Variants in RABGAP1L observed in about 807,000 individuals in gnomAD.
The protein encoded by RABGAP1L is RAB GTPase activating protein 1 like.
A neutral mutation model predicts 137.7 loss-of-function variants in RABGAP1L; 63 were observed. The ratio of observed to expected loss-of-function variants is 0.46; its 90% CI spans 0.37 to 0.56. The LOEUF is 0.56. Ranked by LOEUF, RABGAP1L falls within the 20% of genes least tolerant of loss-of-function variation. RABGAP1L has a pLI of 0.00. For missense variants in RABGAP1L, 1,095 were observed against 1,244.0 expected (o/e 0.88, Z 1.80); for synonymous variants, 431 against 433.7 (o/e 0.99, Z 0.08).
intron 14 of RABGAP1L, among the ~76,000 whole-genome samples, chr1:174,676,347 A>G (rs1004392116): frequency 6.6e-6 from 1 of 152,100 alleles, no homozygotes; most frequent in African/African-American, 2.4e-5. Context: ...ACAGATTTTG[A>G]GAGGCTTCTC....
At chr1:174,781,407 T>C (rs1686995093) in intron 18 of RABGAP1L, among the ~76,000 whole-genome samples, 3 of 152,230 alleles carry the variant, frequency 2.0e-5, no homozygotes, top group Non-Finnish European at 4.4e-5. Context: ...ACCCACTTTT[T>C]GATGGGGCTG....
At chr1:174,174,942 G>A (rs563843790) in intron 1 of RABGAP1L, among the ~76,000 whole-genome samples, 2 of 152,240 alleles carry the variant, frequency 1.3e-5, no homozygotes, top group African/African-American at 4.8e-5. Context: ...AGCTATCTGG[G>A]TATCCCCTAG....
intron 13 of RABGAP1L, among the ~76,000 whole-genome samples, chr1:174,423,681 A>G (rs961292395): frequency 6.6e-6 from 1 of 152,104 alleles, no homozygotes; most frequent in African/African-American, 2.4e-5. Context: ...GGTCTTTTGA[A>G]GATTTCTTTG....
At chr1:174,849,715 C>T (rs1647914465) in intron 19 of RABGAP1L, 1 of 447,940 alleles carries the variant, frequency 2.2e-6, no homozygotes. Context: ...ATTTCGACTT[C>T]TGAATTCGCA....
At chr1:174,430,838 T>C (rs1431216200) in intron 13 of RABGAP1L, among the ~76,000 whole-genome samples, 2 of 152,190 alleles carry the variant, frequency 1.3e-5, no homozygotes, top group African/African-American at 4.8e-5. Flanking sequence ...TAACTTGGAC[T>C]GCAGAGACAT....
chr1:174,184,044 T>TG (rs1666601481), intron 1 of RABGAP1L, among the ~76,000 whole-genome samples: 2 of 151,846 alleles, frequency 1.3e-5, no homozygotes, highest in Non-Finnish European at 2.9e-5. Flanking sequence ...TTTTTGTTTT[T>TG]TTTTAGTAGA....
chr1:174,261,891 A>G (rs1673608071), intron 7 of RABGAP1L, among the ~76,000 whole-genome samples: 1 of 152,226 alleles, frequency 6.6e-6, no homozygotes, highest in African/African-American at 2.4e-5. Flanking sequence ...TTTAGATGTT[A>G]TAATAATTTC....
chr1:174,721,171 A>G lies in RABGAP1L; in HGVS notation c.2169+18915A>G, dbSNP rs540445071. On this transcript the variant is annotated intron_variant, in intron 17 of 25. Transcript: ENST00000681986. ...TTTGATCATTTTAATCATCAGCAGC[A>G]AAGAGTTATGTGGTATTACTTTCTG... is the stretch of plus-strand genomic sequence containing the variant. Among the ~76,000 whole-genome samples the G allele has an allele frequency of 5.1e-4, 77 of 152,350 alleles. 1 individual carries two copies. The South Asian group carries it at 0.016, about 31-fold the overall frequency.
At chr1:174,683,250 C>T (rs934681537) in intron 14 of RABGAP1L, among the ~76,000 whole-genome samples, 7 of 151,942 alleles carry the variant, frequency 4.6e-5, no homozygotes, top group Non-Finnish European at 1.0e-4. Context: ...CATAATAGAT[C>T]TTTTAATATT....
intron 13 of RABGAP1L, among the ~76,000 whole-genome samples, chr1:174,467,624 TATATA>T (rs1160144455): frequency 6.6e-6 from 1 of 152,188 alleles, no homozygotes; most frequent in Non-Finnish European, 1.5e-5. Flanking sequence ...ATATTCATGT[TATATA>T]ATATGTTTAA....
chr1:174,419,483 A>T (rs1332478599), intron 13 of RABGAP1L, among the ~76,000 whole-genome samples: 1 of 152,240 alleles, frequency 6.6e-6, no homozygotes, highest in Admixed American at 6.5e-5. Flanking sequence ...GAAAATAAAT[A>T]TGCTAAAAAT....
At chr1:174,517,856 C>G (rs531551043) in intron 13 of RABGAP1L, among the ~76,000 whole-genome samples, 1 of 152,058 alleles carries the variant, frequency 6.6e-6, no homozygotes, top group Non-Finnish European at 1.5e-5. Flanking sequence ...TCAGTGACAT[C>G]GTTCTTTATA....
At chr1:174,227,211 T>G (rs1245128517) in intron 3 of RABGAP1L, among the ~76,000 whole-genome samples, 3 of 151,284 alleles carry the variant, frequency 2.0e-5, no homozygotes, top group Non-Finnish European at 4.4e-5. Context: ...TTTTTTTTTT[T>G]TTTTTTGAGA....
intron 19 of RABGAP1L, among the ~76,000 whole-genome samples, chr1:174,817,709 G>A (rs1690582978): frequency 1.3e-5 from 2 of 152,210 alleles, no homozygotes; most frequent in Non-Finnish European, 2.9e-5. Flanking sequence ...TCTGGTTGCT[G>A]TGTGGGAATG....
At chr1:174,739,349 T>C (rs1683202837) in intron 17 of RABGAP1L, among the ~76,000 whole-genome samples, 1 of 152,230 alleles carries the variant, frequency 6.6e-6, no homozygotes, top group Non-Finnish European at 1.5e-5. Context: ...AGCTTATTTG[T>C]GCTTTCTAAA....
At chr1:174,162,775 C>CTTTTTTTTTT (rs1571316527) in intron 1 of RABGAP1L, among the ~76,000 whole-genome samples, 1 of 23,440 alleles carries the variant, frequency 4.3e-5, no homozygotes, top group Non-Finnish European at 8.1e-5. Context: ...TTTTCTCTTT[C>CTTTTTTTTTT]TGTTTTTTTT....
At chr1:174,963,733 A>G (rs764897486) in intron 20 of RABGAP1L, among the ~76,000 whole-genome samples, 1 of 151,700 alleles carries the variant, frequency 6.6e-6, no homozygotes, top group Non-Finnish European at 1.5e-5. Flanking sequence ...TTGGAACACA[A>G]CCACACCTGT....
chr1:174,710,532 T>C lies in RABGAP1L; in HGVS notation c.2169+8276T>C, dbSNP rs541971873. Among the ~76,000 whole-genome samples the C allele has an allele frequency of 2.2e-4, 33 of 152,286 alleles. No individual in the cohort carries two copies. The East Asian group carries it at 2.9e-3, about 13-fold the overall frequency. On this transcript the variant is annotated intron_variant, in intron 17 of 25. Coordinates refer to ENST00000681986, the MANE Select transcript of RABGAP1L (RefSeq NM_001366446.1). ...AGTGGGGGCCAATTTTTAACATTCT[T>C]AAAGAAAATAATTTTCAACCAGAAT...
chr1:174,752,429 A>G, intron 18 of RABGAP1L, 75 bp downstream of exon 18: 1 of 1,070,014 alleles, frequency 9.3e-7, no homozygotes. Flanking sequence ...AATTCAATTT[A>G]CAGTCTTTGA....
Sources: gnomAD v4.1 joint callset for allele counts (sites outside exome capture counted in the v4.1 genomes callset) on GRCh38, gnomAD v4.1.1 for gene constraint, MANE v1.5 for transcripts, NCBI Gene and HGNC (gene_info 2026-07-23, HGNC 2026-07-21) for gene names.